Variants in CSNK1G2 observed in about 807,000 individuals in gnomAD.
CSNK1G2 encodes the protein casein kinase 1 gamma 2.
In CSNK1G2, 11 loss-of-function variants were observed where a neutral mutation model predicts 48.0. That is an observed-to-expected ratio of 0.23 (90% CI 0.14 to 0.38). The LOEUF (loss-of-function observed/expected upper bound fraction) is 0.38. CSNK1G2 is among the 10% of genes least tolerant of loss of function. The pLI is 1.00. For synonymous variants in CSNK1G2, 337 were observed against 254.1 expected (o/e 1.33, Z -3.10); for missense variants, 446 against 595.5 (o/e 0.75, Z 2.61).
At chr19:1,942,753 G>T (rs903406020) in intron 1 of CSNK1G2, 1 of 152,366 alleles carries the variant, frequency 6.6e-6, no homozygotes, top group South Asian at 2.1e-4. Context: ...GCCCAGCCTA[G>T]CCTGGGGTGC....
Position 1,969,786 on chromosome 19 carries a change from A to C in CSNK1G2, c.14A>C (p.Lys5Thr). The C allele has an allele frequency of 1.5e-6, 2 of 1,306,908 alleles. No homozygotes were observed. The highest frequency in any genetic ancestry group is 2.0e-6 in the Non-Finnish European group (2 of 1,019,362). The allele number at this position is 1,306,908 out of a possible 1,614,324, so 81.0% of individuals were successfully genotyped here. Residue 5 changes from lysine (K) to threonine (T), a missense_variant, in exon 2 of 12, where the codon AAG (lysine) becomes ACG (threonine). Lys to Thr is a moderately conservative substitution (Grantham distance 78). Coordinates refer to ENST00000255641, the MANE Select transcript of CSNK1G2 (RefSeq NM_001319.7). ...TATCACAAACTTATGGATTTTGACA[A>C]GAAAGGAGGGAAAGGGGAGACGGAG... The part of the protein sequence containing the change: MDFD[K>T]KGGKGETEEG...
intron 1 of CSNK1G2, among the ~76,000 whole-genome samples, chr19:1,948,132 G>A (rs965506741): frequency 1.9e-4 from 29 of 152,118 alleles, no homozygotes; most frequent in Non-Finnish European, 3.8e-4. Flanking sequence ...ATCCTGCACC[G>A]GAGGGAGCCA....
intron 2 of CSNK1G2, among the ~76,000 whole-genome samples, chr19:1,976,628 C>T (rs2015765198): frequency 6.6e-6 from 1 of 152,322 alleles, no homozygotes; most frequent in African/African-American, 2.4e-5. Flanking sequence ...AGCCACCGGG[C>T]TTTGGGACTT....
At chr19:1,948,223 TCTTAAAATTAA>T (rs369136630) in intron 1 of CSNK1G2, among the ~76,000 whole-genome samples, 5 of 152,154 alleles carry the variant, frequency 3.3e-5, no homozygotes, top group African/African-American at 7.2e-5. Flanking sequence ...TCACAGCGTT[TCTTAAAATTAA>T]CGATCCCGGC....
At chr19:1,970,548 C>T (rs2015532768) in intron 2 of CSNK1G2, among the ~76,000 whole-genome samples, 1 of 152,234 alleles carries the variant, frequency 6.6e-6, no homozygotes, top group African/African-American at 2.4e-5. Flanking sequence ...GACTGAGCCT[C>T]TCATTGGCCA....
In CSNK1G2 at chr19:1,969,789, A is replaced by AAGGAGGGAAAGGGGAGACGG; in HGVS notation, c.25_44dup (p.Arg16LysfsTer32). ...CACAAACTTATGGATTTTGACAAGA[A>AAGGAGGGAAAGGGGAGACGG]AGGAGGGAAAGGGGAGACGGAGGAG... On this transcript the variant is annotated frameshift_variant, in exon 2 of 12. Coordinates refer to ENST00000255641, the MANE Select transcript of CSNK1G2 (RefSeq NM_001319.7). LOFTEE classifies it high-confidence loss of function. 1 of 1,307,670 alleles carries AAGGAGGGAAAGGGGAGACGG rather than the reference A, an allele frequency of 7.6e-7. No individual in the cohort carries two copies. The highest frequency in any genetic ancestry group is 9.8e-7 in the Non-Finnish European group (1 of 1,019,728). 81.0% of individuals were successfully genotyped at this position (1,307,670 alleles called of 1,614,324 possible).
chr19:1,956,530 C>T (rs1013657421), intron 1 of CSNK1G2, among the ~76,000 whole-genome samples: 3 of 152,188 alleles, frequency 2.0e-5, no homozygotes, highest in African/African-American at 4.8e-5. Context: ...AAACAAAAGA[C>T]CACGCATCCT....
intron 1 of CSNK1G2, among the ~76,000 whole-genome samples, chr19:1,946,674 G>A (rs565694823): frequency 2.2e-5 from 3 of 134,982 alleles, no homozygotes; most frequent in Non-Finnish European, 1.6e-5. Flanking sequence ...GTGCAGTGGC[G>A]CAATCTTGGC....
intron 1 of CSNK1G2, among the ~76,000 whole-genome samples, chr19:1,947,354 C>A (rs537807292): frequency 6.6e-6 from 1 of 152,170 alleles, no homozygotes; most frequent in Non-Finnish European, 1.5e-5. Flanking sequence ...AGGTGATGCT[C>A]ATGTAATCTG....
At chr19:1,947,671 G>A (rs920124380) in intron 1 of CSNK1G2, among the ~76,000 whole-genome samples, 5 of 152,190 alleles carry the variant, frequency 3.3e-5, no homozygotes, top group African/African-American at 2.4e-5. Flanking sequence ...CCCTGGCCAC[G>A]TGCAGGCCAG....
At chr19:1,972,994 C>T (rs1004543739) in intron 2 of CSNK1G2, among the ~76,000 whole-genome samples, 20 of 150,642 alleles carry the variant, frequency 1.3e-4, no homozygotes, top group Admixed American at 9.9e-4. Context: ...GTGGCGTAAC[C>T]TCAGCTCACT....
chr19:1,945,064 A>G (rs2014504409), intron 1 of CSNK1G2, among the ~76,000 whole-genome samples: 1 of 152,222 alleles, frequency 6.6e-6, no homozygotes, highest in African/African-American at 2.4e-5. Flanking sequence ...GCTGTCCCCC[A>G]GGCACTGTCC....
chr19:1,979,453 A>T (rs750635620), intron 8 of CSNK1G2, 42 bp from the exon 9 acceptor site: 1 of 350,942 alleles, frequency 2.8e-6, no homozygotes. Context: ...CCCACCCCCC[A>T]CCCCCACCCC....
chr19:1,962,794 C>G (rs1052970463), intron 1 of CSNK1G2, among the ~76,000 whole-genome samples: 1 of 152,088 alleles, frequency 6.6e-6, no homozygotes, highest in Non-Finnish European at 1.5e-5. Context: ...CAAAGATGCA[C>G]AGATCTCCCA....
rs2015493050 is a variant in CSNK1G2, at chr19:1,969,512, G to A, written c.-261G>A. ...TGTGCCTCTGTTTCTCTGCAGCTGT[G>A]AGCCGTGAGCTTTGAGGCGGTGGGA... On this transcript the variant is annotated 5_prime_UTR_variant, in exon 2 of 12. Coordinates refer to ENST00000255641, the MANE Select transcript of CSNK1G2 (RefSeq NM_001319.7). The A allele has an allele frequency of 3.2e-6, 1 of 308,106 alleles. No homozygotes were observed. Among genetic ancestry groups the A allele is most frequent in the Non-Finnish European group, 5.9e-6 (1 of 168,840 alleles). The allele number at this position is 308,106 out of a possible 1,614,324, so 19.1% of individuals were successfully genotyped here.
rs186978861 is a variant in CSNK1G2, at chr19:1,966,626, C to G, written c.-265-2882C>G. Reference sequence around the variant, plus strand: ...GACTGCAGTTCTGAAAGACGTTCTGCTGTGGGTAATCAATGCTATCAGACA... The same window carrying G: ...GACTGCAGTTCTGAAAGACGTTCTGGTGTGGGTAATCAATGCTATCAGACA... On this transcript the variant is annotated intron_variant, in intron 1 of 11. Transcript: ENST00000255641. Among the ~76,000 whole-genome samples the G allele has an allele frequency of 2.4e-3, 360 of 152,284 alleles. 1 individual carries two copies. Among genetic ancestry groups the G allele is most frequent in the African/African-American group, 8.2e-3 (339 of 41,544 alleles).
intron 1 of CSNK1G2, among the ~76,000 whole-genome samples, chr19:1,956,478 C>T (rs987655650): frequency 3.9e-5 from 6 of 152,208 alleles, no homozygotes; most frequent in African/African-American, 1.4e-4. Flanking sequence ...GATCCTGCCA[C>T]TGCACTCCAG....
chr19:1,962,280 G>A (rs578121483), intron 1 of CSNK1G2, among the ~76,000 whole-genome samples: 3 of 150,246 alleles, frequency 2.0e-5, no homozygotes, highest in Non-Finnish European at 3.0e-5. Context: ...ACAGTGAGTC[G>A]AGTTCGTGCC....
At chr19:1,960,449 G>A (rs2015160823) in intron 1 of CSNK1G2, among the ~76,000 whole-genome samples, 1 of 152,226 alleles carries the variant, frequency 6.6e-6, no homozygotes, top group Admixed American at 6.5e-5. Flanking sequence ...CGGGGCCTCT[G>A]GGCAGTGTCC....
Sources: gnomAD v4.1 joint callset for allele counts (sites outside exome capture counted in the v4.1 genomes callset) on GRCh38, gnomAD v4.1.1 for gene constraint, MANE v1.5 for transcripts, NCBI Gene and HGNC (gene_info 2026-07-23, HGNC 2026-07-21) for gene names.